The following RPGRIP1 variants were observed in gnomAD, a reference collection of about 807,000 sequenced individuals.
RPGRIP1 encodes RPGR interacting protein 1, also known as X-linked retinitis pigmentosa GTPase regulator-interacting protein 1.
Under a neutral mutation model 157.9 loss-of-function variants are expected in RPGRIP1, and 128 were observed. The observed-to-expected ratio is 0.81, with a 90% CI of 0.70 to 0.94. The LOEUF (loss-of-function observed/expected upper bound fraction) is 0.94, where lower values mean the gene tolerates loss of function less well. Ranked by LOEUF, RPGRIP1 falls within the 40% of genes least tolerant of loss-of-function variation. The pLI, the probability that RPGRIP1 is intolerant of heterozygous loss-of-function variation, is 0.00. For synonymous variants in RPGRIP1, 554 were observed against 571.6 expected (o/e 0.97, Z 0.44); for missense variants, 1,486 against 1,545.8 (o/e 0.96, Z 0.65).
chr14:21,347,387 A>G (rs1346050069), intron 23 of RPGRIP1, among the ~76,000 whole-genome samples: 1 of 152,224 alleles, frequency 6.6e-6, no homozygotes, highest in Non-Finnish European at 1.5e-5. Flanking sequence ...TTCCTATGCA[A>G]ATTGGGATGA....
At position 21,303,364 on chromosome 14, in the gene RPGRIP1, C is replaced by G; in HGVS notation, c.621C>G (p.Ser207Arg). Residue 207 changes from serine (S) to arginine (R), a missense_variant, in exon 6 of 25, where the codon AGC (serine) becomes AGG (arginine). By Grantham distance (110) the Ser-to-Arg change is moderately radical. Coordinates refer to ENST00000400017, the MANE Select transcript of RPGRIP1 (RefSeq NM_020366.4). ...GTTCTAACAGCATAATTTCTTTCAG[C>G]AGTGTCATAAGTATGGCTAAACCCA... The part of the protein sequence containing the change: ...VSGSNSIISF[S>R]SVISMAKPIG... 1 of 1,613,424 alleles carries G rather than the reference C, an allele frequency of 6.2e-7. No homozygotes were observed.
intron 10 of RPGRIP1, 170 bp from the exon 11 acceptor site, chr14:21,317,526 A>G (rs753960225): frequency 1.3e-6 from 2 of 1,498,806 alleles, no homozygotes; most frequent in South Asian, 2.5e-5. Flanking sequence ...GTAGGACTCA[A>G]AAGTTCCAAG....
intron 21 of RPGRIP1, among the ~76,000 whole-genome samples, chr14:21,337,585 G>T (rs1884504098): frequency 6.7e-6 from 1 of 150,312 alleles, no homozygotes; most frequent in Non-Finnish European, 1.5e-5. Context: ...GGGACCACAG[G>T]TGTGTGTCAC....
chr14:21,328,946 C>G (rs1883409908), intron 19 of RPGRIP1, among the ~76,000 whole-genome samples: 1 of 152,040 alleles, frequency 6.6e-6, no homozygotes, highest in Non-Finnish European at 1.5e-5. Flanking sequence ...GAGTTCGAGA[C>G]CAGCTTGACC....
chr14:21,294,550 T>C lies in RPGRIP1; in HGVS notation c.86-127T>C, dbSNP rs553073228. On this transcript the variant is annotated intron_variant, in intron 2 of 24. Coordinates refer to ENST00000400017, the MANE Select transcript of RPGRIP1 (RefSeq NM_020366.4). ...GCCCAGAGTCATTTCTCATACTTCC[T>C]GATTTCCTCATAAATACTTGACTCA... is the stretch of plus-strand genomic sequence containing the variant. 15 of 951,378 alleles carry C rather than the reference T, an allele frequency of 1.6e-5. No homozygotes were observed. The East Asian group carries it at 2.8e-4, about 17-fold the overall frequency. The allele number at this position is 951,378 out of a possible 1,614,324, so 58.9% of individuals were successfully genotyped here. A position where few individuals can be genotyped will look rare whatever the true frequency, so the allele number is the denominator to read the frequency against.
chr14:21,291,728 C>T (rs1880538654), intron 2 of RPGRIP1, among the ~76,000 whole-genome samples: 1 of 151,976 alleles, frequency 6.6e-6, no homozygotes, highest in African/African-American at 2.4e-5. Flanking sequence ...ACTACAGGTG[C>T]ACACCACCAT....
At chr14:21,320,571 G>A (rs867673352) in intron 12 of RPGRIP1, among the ~76,000 whole-genome samples, 82 of 140,358 alleles carry the variant, frequency 5.8e-4, no homozygotes, top group Middle Eastern at 4.8e-3. Context: ...GATTACAGGC[G>A]TAAGCCACCG....
chr14:21,326,697 C>T (rs1406394609), intron 17 of RPGRIP1, among the ~76,000 whole-genome samples: 1 of 152,058 alleles, frequency 6.6e-6, no homozygotes, highest in Non-Finnish European at 1.5e-5. Flanking sequence ...CTCTGTAATG[C>T]TGTCTAGTAT....
At position 21,343,063 on chromosome 14, in the gene RPGRIP1, G is replaced by A. The variant is rs767287670; in HGVS notation, c.3367G>A (p.Val1123Ile). Residue 1123 changes from valine to isoleucine, a missense_variant, in exon 22 of 25, where the codon GTC becomes ATC. By Grantham distance (29) the Val-to-Ile change is conservative. Coordinates refer to ENST00000400017, the MANE Select transcript of RPGRIP1 (RefSeq NM_020366.4). Reference sequence around the variant, plus strand: ...TTCAGAGAAGATGTGCATTGAAATTGTCTCCCTGGCCTTCTACCCAGAGGC... The same window carrying A: ...TTCAGAGAAGATGTGCATTGAAATTATCTCCCTGGCCTTCTACCCAGAGGC... ...ADSEKMCIEI[V>I]SLAFYPEAEV... is the part of the protein sequence containing the mutation. The A allele has an allele frequency of 1.9e-6, 3 of 1,612,324 alleles. No individual in the cohort carries two copies. The highest frequency in any genetic ancestry group is 2.5e-6 in the Non-Finnish European group (3 of 1,179,170).
At chr14:21,322,152 G>GC (rs1882565520) in intron 14 of RPGRIP1, 148 bp downstream of exon 14, 2 of 613,546 alleles carry the variant, frequency 3.3e-6, no homozygotes, top group Middle Eastern at 4.6e-4. Flanking sequence ...CATTTTTGTT[G>GC]TTTTTTTTTG....
At chr14:21,329,799 G>A (rs72678695) in intron 19 of RPGRIP1, among the ~76,000 whole-genome samples, 38,428 of 149,668 alleles carry the variant, frequency 0.26, 5,859 homozygotes, top group African/African-American at 0.43. Context: ...CCCGGCCAAC[G>A]AGTACTAACT....
At chr14:21,285,907 G>A (rs1015571738) in intron 1 of RPGRIP1, among the ~76,000 whole-genome samples, 12 of 152,032 alleles carry the variant, frequency 7.9e-5, no homozygotes, top group African/African-American at 2.7e-4. Flanking sequence ...AAAATGGGGA[G>A]AGCATTAAAA....
chr14:21,338,820 A>T (rs1278806393), intron 21 of RPGRIP1, among the ~76,000 whole-genome samples: 1 of 152,208 alleles, frequency 6.6e-6, no homozygotes, highest in African/African-American at 2.4e-5. Flanking sequence ...TGGACTTCTG[A>T]TTATTGTCCC....
intron 5 of RPGRIP1, chr14:21,302,989 C>A: frequency 4.4e-6 from 1 of 225,200 alleles, no homozygotes; most frequent in Non-Finnish European, 8.8e-6. Context: ...CCTGCCTCAG[C>A]CTCCTAAGTA....
rs1331210170 is a variant in RPGRIP1, at chr14:21,311,460, G to A, written c.931-364G>A. The stretch of plus-strand genomic sequence containing the variant: ...CCAGCTACTCAGGAGGCTGAGGCAG[G>A]AGAATTGCTTGAACCCGGTAGGCAG... On this transcript the variant is annotated intron_variant, in intron 8 of 24. Transcript: ENST00000400017. 6.7e-4 allele frequency among the ~76,000 whole-genome samples: 102 copies of A among 152,164 alleles called. 1 individual carries two copies. Among genetic ancestry groups the A allele is most frequent in the Non-Finnish European group, 8.8e-5 (6 of 68,028 alleles).
intron 8 of RPGRIP1, 87 bp downstream of exon 8, chr14:21,310,694 C>T (rs1881506244): frequency 4.1e-6 from 3 of 740,462 alleles, no homozygotes; most frequent in Non-Finnish European, 6.9e-6. Flanking sequence ...AGTAACATAA[C>T]ACCAGAATTT....
At chr14:21,300,837 A>C (rs544962493) in intron 3 of RPGRIP1, 129 bp from the exon 4 acceptor site, 1 of 1,090,216 alleles carries the variant, frequency 9.2e-7, no homozygotes, top group African/African-American at 1.6e-5. Flanking sequence ...TAATCTTTTT[A>C]AAGTGTGGTT....
intron 10 of RPGRIP1, among the ~76,000 whole-genome samples, chr14:21,316,786 TTTGA>T (rs1881834374): frequency 6.6e-6 from 1 of 152,172 alleles, no homozygotes; most frequent in Admixed American, 6.5e-5. Context: ...GAAATAATTG[TTTGA>T]TTATTAGTGT....
At chr14:21,290,631 C>CA (rs1278413520) in intron 2 of RPGRIP1, among the ~76,000 whole-genome samples, 7 of 152,020 alleles carry the variant, frequency 4.6e-5, no homozygotes, top group Admixed American at 3.9e-4. Context: ...CTGGCTAACA[C>CA]AGTGAAACCT....
Sources: allele counts gnomAD v4.1 joint callset (sites outside exome capture counted in the v4.1 genomes callset), GRCh38; gene constraint gnomAD v4.1.1; transcripts MANE v1.5; gene names NCBI Gene and HGNC (gene_info 2026-07-23, HGNC 2026-07-21).